The following EP400 variants were observed in gnomAD, a reference collection of about 807,000 sequenced individuals.
EP400 encodes the protein E1A binding protein p400, also known as E1A-binding protein p400.
In EP400, 105 loss-of-function variants were observed where a neutral mutation model predicts 354.1. That is an observed-to-expected ratio of 0.30 (90% confidence interval 0.25 to 0.35). The LOEUF is 0.35. Among genes scored for constraint, EP400 ranks in the 10% least tolerant of loss-of-function variants. EP400 has a pLI of 1.00. For synonymous variants in EP400, 1,646 were observed against 1,716.9 expected (o/e 0.96, Z 1.02); for missense variants, 3,280 against 4,121.0 (o/e 0.80, Z 5.59).
chr12:131,972,604 A>G (rs983800204), intron 2 of EP400, among the ~76,000 whole-genome samples: 10 of 152,200 alleles, frequency 6.6e-5, no homozygotes, highest in African/African-American at 2.4e-4. Flanking sequence ...CATATAAAAT[A>G]CAGACAGGCA....
At position 132,037,944 on chromosome 12, in the gene EP400, T is replaced by C. The variant is rs1894771458; in HGVS notation, c.6064-9T>C. The stretch of plus-strand genomic sequence containing the variant: ...TGTACTGGGGAGTAACACACATCTC[T>C]GTGTTCAGCGAACCATCCAGGAGCT... On this transcript the variant is annotated splice_polypyrimidine_tract_variant and intron_variant, in intron 31 of 52. Transcript: ENST00000389561. 3 of 1,614,166 alleles carry C rather than the reference T, an allele frequency of 1.9e-6. No individual in the cohort carries two copies. The highest frequency in any genetic ancestry group is 2.5e-6 in the Non-Finnish European group (3 of 1,180,008).
Position 132,029,438 on chromosome 12 carries a change from G to T in EP400, c.5382-263G>T. ...TCTCTGACCTGGTGCCTGCGGCCTA[G>T]GGAATCCACCCCCATTGATCCATCA... On this transcript the variant is annotated intron_variant, in intron 27 of 52. Transcript: ENST00000389561. This position sits in a 1 kb window ranked among gnomAD's most constrained non-coding sequence, Gnocchi z 4.7. The T allele has an allele frequency of 1.9e-6, 1 of 534,586 alleles. No individual in the cohort carries two copies. The allele number at this position is 534,586 out of a possible 1,614,324, so 33.1% of individuals were successfully genotyped here.
At position 131,960,707 on chromosome 12, in the gene EP400, G is replaced by GGGGCCCCCC; in HGVS notation, c.88_89insGGGCCCCCC (p.Ala30delinsGlyAlaProPro). 1.3e-6 allele frequency: 2 copies of GGGGCCCCCC among 1,545,582 alleles called. No individual in the cohort carries two copies. The highest frequency in any genetic ancestry group is 1.7e-6 in the Non-Finnish European group (2 of 1,146,240). ...TGGCAGCGAGGGTGAGGAGCAGCCGGCCCACCCCAACCCACCCCCGTCCCC... is the reference window on the plus strand; with the variant it reads ...TGGCAGCGAGGGTGAGGAGCAGCCGGGGGCCCCCCCCCACCCCAACCCACCCCCGTCCCC... On this transcript the variant is annotated protein_altering_variant, in exon 2 of 53. Transcript: ENST00000389561.
At chr12:132,041,160 G>A (rs969063548) in intron 32 of EP400, among the ~76,000 whole-genome samples, 1 of 152,242 alleles carries the variant, frequency 6.6e-6, no homozygotes, top group African/African-American at 2.4e-5. Context: ...TTAGCGTGCT[G>A]TACTCGTACC....
Position 132,006,241 on chromosome 12 carries a change from C to T in EP400, c.3065C>T (p.Ala1022Val), listed in dbSNP as rs560771806. ...GGGAAGCCAAACGCCAAGGACATTG[C>T]GGACGTCACTGCGGTGGCTGAAGCC... ...NIGKPNAKDI[A>V]DVTAVAEAIL... is the part of the protein sequence containing the mutation. The change falls in exon 14 of 53, where the codon GCG (alanine) becomes GTG (valine). Residue 1022 changes from alanine to valine, a missense_variant. This residue lies in a region of EP400 where 800 missense variants were observed against 840.0 expected (regional missense o/e 0.95). Transcript: ENST00000389561. The T allele has an allele frequency of 3.2e-5, 52 of 1,614,186 alleles. No homozygotes were observed. The highest frequency in any genetic ancestry group is 1.6e-4 in the Middle Eastern group (1 of 6,062).
Position 132,077,556 on chromosome 12 carries a change from C to T in EP400, c.9255C>T (p.Gly3085=), listed in dbSNP as rs956284454. The part of the protein sequence containing the change: ...TTASAPLQTP[G]APNPAQVPAS... The stretch of plus-strand genomic sequence containing the variant: ...CGTCGGCCCCGCTCCAGACTCCAGG[C>T]GCTCCCAACCCAGCCCAGGTGCCCG... Residue 3085 remains glycine, a synonymous_variant, in exon 53 of 53, where the codon GGC becomes GGT. Coordinates refer to ENST00000389561, the MANE Select transcript of EP400 (RefSeq NM_015409.5). The T allele has an allele frequency of 8.7e-6, 14 of 1,613,772 alleles. No individual in the cohort carries two copies. Among genetic ancestry groups the T allele is most frequent in the Middle Eastern group, 1.6e-4 (1 of 6,082 alleles).
At chr12:132,016,925 G>C (rs547204310) in intron 19 of EP400, among the ~76,000 whole-genome samples, 1 of 152,022 alleles carries the variant, frequency 6.6e-6, no homozygotes, top group Non-Finnish European at 1.5e-5. Flanking sequence ...TCTCTCTCCC[G>C]ACCAGTTACC....
Position 132,025,962 on chromosome 12 carries a change from GC to G in EP400, c.5014+160del, listed in dbSNP as rs1894291502. ...TTTCTATAGATGTGTCCTAGTGTCAGCCTGATTTATTTTCTTTTTCTTGTGC... is the reference window on the plus strand; with the variant it reads ...TTTCTATAGATGTGTCCTAGTGTCAGCTGATTTATTTTCTTTTTCTTGTGC... On this transcript the variant is annotated intron_variant, in intron 25 of 52. Transcript: ENST00000389561. The surrounding 1 kb of genome is among the most constrained non-coding windows in gnomAD (Gnocchi z 4.1). Among the ~76,000 whole-genome samples the G allele has an allele frequency of 1.3e-5, 2 of 152,246 alleles. No homozygotes were observed. Among genetic ancestry groups the G allele is most frequent in the Admixed American group, 1.3e-4 (2 of 15,290 alleles).
chr12:132,077,250 T>C (rs1018131930), intron 52 of EP400, 151 bp from the exon 53 acceptor site: 10 of 971,800 alleles, frequency 1.0e-5, no homozygotes, highest in Non-Finnish European at 9.1e-6. Flanking sequence ...AAACCAGAGG[T>C]CATACTGTTG....
In EP400 at chr12:132,062,691, A is replaced by G. The variant is rs529991667; in HGVS notation, c.8324A>G (p.Lys2775Arg). 1.9e-6 allele frequency: 3 copies of G among 1,613,508 alleles called. No individual in the cohort carries two copies. The highest frequency in any genetic ancestry group is 1.3e-5 in the African/African-American group (1 of 75,020). ...QSPAQIKAVG[K>R]LTPEHLIKMQ... Reference sequence around the variant, plus strand: ...CCAGCACAGATCAAAGCTGTGGGCAAGCTGACGCCGGTGAGCATTTCCCAG... The same window carrying G: ...CCAGCACAGATCAAAGCTGTGGGCAGGCTGACGCCGGTGAGCATTTCCCAG... Residue 2775 changes from lysine to arginine, a missense_variant, in exon 47 of 53, where the codon AAG (lysine) becomes AGG (arginine). Around this residue, in one of 20 missense-constraint regions of EP400, gnomAD observed 47 missense variants for 55.6 expected, o/e 0.85. Transcript: ENST00000389561.
rs1403643925 is a variant in EP400 at position 131,990,041 on chromosome 12, A to T, written c.2487A>T (p.Arg829Ser). Residue 829 changes from arginine to serine, a missense_variant, in exon 8 of 53, where the codon AGA (arginine) becomes AGT (serine). By Grantham distance (110) the Arg-to-Ser change is moderately radical. Transcript: ENST00000389561. This position sits in a 1 kb window ranked among gnomAD's most constrained non-coding sequence, Gnocchi z 4.2. ...EERGKKEEQS[R>S]LRRIAASTAR... ...GGGGGAAGAAGGAAGAGCAGAGCAG[A>T]CTGAGGCGGATAGCCGCCTCCACGG... The T allele has an allele frequency of 6.2e-7, 1 of 1,613,432 alleles. No individual in the cohort carries two copies. Among genetic ancestry groups the T allele is most frequent in the African/African-American group, 1.3e-5 (1 of 74,874 alleles).
chr12:132,073,698 G>C (rs1896136819), intron 51 of EP400, among the ~76,000 whole-genome samples: 1 of 151,882 alleles, frequency 6.6e-6, no homozygotes, highest in African/African-American at 2.4e-5. Context: ...TGATGCACCT[G>C]CCTTGGCCTC....
At position 132,044,871 on chromosome 12, in the gene EP400, T is replaced by C. The variant is rs373307172; in HGVS notation, c.6702T>C (p.Tyr2234=). The C allele has an allele frequency of 1.2e-6, 2 of 1,614,048 alleles. No individual in the cohort carries two copies. The highest frequency in any genetic ancestry group is 1.3e-5 in the African/African-American group (1 of 74,922). The change falls in exon 37 of 53, where the codon TAT becomes TAC. Residue 2234 remains tyrosine, a synonymous_variant. Transcript: ENST00000389561. ...IYLDSVMCLM[Y]EATPIPEAKL... ...TCGACTCGGTCATGTGTCTCATGTA[T>C]GAAGCCACTCCCATCCCAGAGGCTA...
At chr12:131,968,873 G>A (rs1004686355) in intron 2 of EP400, among the ~76,000 whole-genome samples, 1 of 152,128 alleles carries the variant, frequency 6.6e-6, no homozygotes, top group South Asian at 2.1e-4. Flanking sequence ...AAGTATATAG[G>A]TATACAGTTG....
rs768041215 is a variant in EP400 at position 132,027,025 on chromosome 12, G to A, written c.5015-412G>A. ...CTGGGTGGACTTCCTGCCGGGGCTG[G>A]GCTGCTCATGGCAGGCAAGGGCCTC... On this transcript the variant is annotated intron_variant, in intron 25 of 52. Transcript: ENST00000389561. This position sits in a 1 kb window ranked among gnomAD's most constrained non-coding sequence, Gnocchi z 4.9. Among the ~76,000 whole-genome samples the A allele has an allele frequency of 2.7e-4, 41 of 152,174 alleles. No homozygotes were observed. Among genetic ancestry groups the A allele is most frequent in the Non-Finnish European group, 4.7e-4 (32 of 68,028 alleles).
At position 132,077,938 on chromosome 12, in the gene EP400, C is replaced by G. The variant is rs541786553; in HGVS notation, c.*265C>G. The G allele has an allele frequency of 1.2e-5, 6 of 488,818 alleles. No individual in the cohort carries two copies. In the Admixed American group the frequency reaches 1.9e-4, roughly 15 times the overall value. 30.3% of individuals were successfully genotyped at this position (488,818 alleles called of 1,614,324 possible). On this transcript the variant is annotated 3_prime_UTR_variant, in exon 53 of 53. Transcript: ENST00000389561. ...CTCTAAATCATTTCACCTTTCAGTC[C>G]CCACCCGCACCCGTCCCCTAGAGCC...
At chr12:131,965,056 G>A (rs1480525755) in intron 2 of EP400, among the ~76,000 whole-genome samples, 1 of 152,160 alleles carries the variant, frequency 6.6e-6, no homozygotes, top group African/African-American at 2.4e-5. Context: ...CTTTGATGTG[G>A]GATTGTCTGA....
chr12:132,062,315 T>C lies in EP400; in HGVS notation c.8090T>C (p.Val2697Ala), dbSNP rs777407921. Residue 2697 changes from valine (V) to alanine (A), a missense_variant, in exon 46 of 53, where the codon GTG (valine) becomes GCG (alanine). Val to Ala is a moderately conservative substitution (Grantham distance 64, BLOSUM62 0). This residue lies in a region of EP400 where 255 missense variants were observed against 295.9 expected (regional missense o/e 0.86). Coordinates refer to ENST00000389561, the MANE Select transcript of EP400 (RefSeq NM_015409.5). ...QTPARSLVPQVSQATGVQLPG... is the reference protein window; with the variant it reads ...QTPARSLVPQASQATGVQLPG... ...CCGGCACGGTCTTTGGTGCCCCAAG[T>C]GTCCCAAGGTAAAGCCAGGCTGGGA... is the stretch of plus-strand genomic sequence containing the variant. The C allele has an allele frequency of 6.9e-5, 112 of 1,614,018 alleles. No homozygotes were observed. In the Admixed American group the frequency reaches 1.8e-3, roughly 26 times the overall value.
At chr12:132,040,978 G>A (rs1894882895) in intron 32 of EP400, among the ~76,000 whole-genome samples, 1 of 152,302 alleles carries the variant, frequency 6.6e-6, no homozygotes, top group South Asian at 2.1e-4. Context: ...AGGCTGGTGA[G>A]GACAACTGGG....
Sources: allele counts gnomAD v4.1 joint callset (sites outside exome capture counted in the v4.1 genomes callset), GRCh38; gene constraint gnomAD v4.1.1; regional missense constraint gnomAD v4.1.1; non-coding constraint Gnocchi (gnomAD v3.1); transcripts MANE v1.5; gene names NCBI Gene and HGNC (gene_info 2026-07-23, HGNC 2026-07-21).